The following POU2AF3 variants were observed in gnomAD, a reference collection of about 807,000 sequenced individuals.
The protein encoded by POU2AF3 is POU class 2 homeobox associating factor 3, also known as cancer susceptibility candidate 13.
chr11:111,305,614 T>A, the POU2AF3 span, among the ~76,000 whole-genome samples: 1 of 152,234 alleles, frequency 6.6e-6, no homozygotes, highest in African/African-American at 2.4e-5. Flanking sequence ...AAGAACACAG[T>A]GTCCTTTAGT....
chr11:111,306,512 C>G, the POU2AF3 span: 2 of 1,544,518 alleles, frequency 1.3e-6, no homozygotes, highest in Non-Finnish European at 1.7e-6. Flanking sequence ...TCTTTGATTC[C>G]TACCTTCAGA....
At chr11:111,304,329 C>T in the POU2AF3 span, among the ~76,000 whole-genome samples, 2 of 152,010 alleles carry the variant, frequency 1.3e-5, no homozygotes, top group Non-Finnish European at 2.9e-5. Flanking sequence ...AAATGTTAGT[C>T]CTTAATAATT....
chr11:111,298,824 A>G, the POU2AF3 span: 3 of 903,130 alleles, frequency 3.3e-6, no homozygotes, highest in Non-Finnish European at 4.3e-6. Context: ...CGCGTACCCC[A>G]GGCCCCCGCC....
the POU2AF3 span, chr11:111,308,243 G>T: frequency 1.9e-5 from 30 of 1,551,452 alleles, no homozygotes; most frequent in Admixed American, 1.4e-4. Context: ...GTCCTCACAC[G>T]CCCAGTACAG....
At chr11:111,298,741 C>A in the POU2AF3 span, 15 of 1,095,934 alleles carry the variant, frequency 1.4e-5, 1 homozygote, top group Admixed American at 4.3e-5. Context: ...GCGAGCCACG[C>A]TGTGGCCGCT....
the POU2AF3 span, chr11:111,298,826 G>GCGGGCGC: frequency 5.1e-6 from 4 of 790,960 alleles, no homozygotes; most frequent in African/African-American, 1.8e-5. Flanking sequence ...CGTACCCCAG[G>GCGGGCGC]CCCCCGCCCG....
At chr11:111,298,894 A>G in the POU2AF3 span, 2,195 of 1,098,086 alleles carry the variant, frequency 2.0e-3, 3 homozygotes, top group South Asian at 2.4e-3. Flanking sequence ...CTGCGCGCCC[A>G]GAAGCTGCTA....
the POU2AF3 span, chr11:111,306,614 C>G: frequency 1.3e-6 from 2 of 1,551,228 alleles, no homozygotes; most frequent in Non-Finnish European, 1.7e-6. Flanking sequence ...TCTGCTTTAA[C>G]CAGAGCCTGG....
At chr11:111,308,313 T>C in the POU2AF3 span, 1 of 1,551,764 alleles carries the variant, frequency 6.4e-7, no homozygotes, top group Non-Finnish European at 8.7e-7. Context: ...GCAGAGGACT[T>C]GGATGCTCTC....
the POU2AF3 span, chr11:111,299,611 G>A: frequency 2.4e-6 from 3 of 1,225,324 alleles, no homozygotes; most frequent in South Asian, 8.5e-5. Context: ...CGGCCTCCCG[G>A]CGGAGTGCAG....
the POU2AF3 span, chr11:111,306,347 T>G: frequency 1.8e-6 from 2 of 1,130,018 alleles, no homozygotes; most frequent in Non-Finnish European, 2.4e-6. Context: ...CAAATCTGTG[T>G]TTTGCAATTT....
At chr11:111,304,533 T>A in the POU2AF3 span, among the ~76,000 whole-genome samples, 3 of 152,176 alleles carry the variant, frequency 2.0e-5, no homozygotes, top group Non-Finnish European at 2.9e-5. Flanking sequence ...TAAAACATAA[T>A]ATTGGTTGTA....
chr11:111,301,907 CAG>C, the POU2AF3 span, among the ~76,000 whole-genome samples: 5 of 152,170 alleles, frequency 3.3e-5, no homozygotes, highest in African/African-American at 1.2e-4. Flanking sequence ...ACCCTTTGCT[CAG>C]AGTTTAGAGT....
chr11:111,300,934 TA>T, the POU2AF3 span, among the ~76,000 whole-genome samples: 1 of 152,202 alleles, frequency 6.6e-6, no homozygotes, highest in Non-Finnish European at 1.5e-5. Context: ...ATCGTTTTGT[TA>T]GGAAGACAGT....
the POU2AF3 span, among the ~76,000 whole-genome samples, chr11:111,307,466 G>T: frequency 6.6e-6 from 1 of 152,162 alleles, no homozygotes; most frequent in African/African-American, 2.4e-5. Context: ...GGGAAAATAT[G>T]GGGCCCCAGT....
chr11:111,308,370 C>T, the POU2AF3 span: 1 of 1,551,626 alleles, frequency 6.4e-7, no homozygotes, highest in East Asian at 2.4e-5. Context: ...GTGGACTTTG[C>T]CCCCTCAGCA....
chr11:111,298,826 G>GCGGGGGGGGCGCC, the POU2AF3 span: 1 of 790,962 alleles, frequency 1.3e-6, no homozygotes, highest in Non-Finnish European at 1.7e-6. Context: ...CGTACCCCAG[G>GCGGGGGGGGCGCC]CCCCCGCCCG....
the POU2AF3 span, among the ~76,000 whole-genome samples, chr11:111,302,423 C>G: frequency 6.6e-6 from 1 of 152,122 alleles, no homozygotes; most frequent in South Asian, 2.1e-4. Flanking sequence ...CCTTAAGGAG[C>G]TTTGGTACTT....
At chr11:111,298,724 A>G in the POU2AF3 span, 1 of 1,090,716 alleles carries the variant, frequency 9.2e-7, no homozygotes, top group Non-Finnish European at 1.2e-6. Flanking sequence ...GGGGATCCGG[A>G]GAGGACGCGA....
Sources: gnomAD v4.1 joint callset for allele counts (sites outside exome capture counted in the v4.1 genomes callset) on GRCh38, gnomAD v4.1.1 for gene constraint, MANE v1.5 for transcripts, NCBI Gene and HGNC (gene_info 2026-07-23, HGNC 2026-07-21) for gene names.